TNS1: variants seen among roughly 807,000 people sequenced by gnomAD.
The protein encoded by TNS1 is tensin-1.
In TNS1, 62 loss-of-function variants were observed where a neutral mutation model predicts 168.6. That is an observed-to-expected ratio of 0.37 (90% CI 0.30 to 0.45). The LOEUF (loss-of-function observed/expected upper bound fraction) is 0.45, where lower values mean the gene tolerates loss of function less well. Among genes scored for constraint, TNS1 ranks in the 20% least tolerant of loss-of-function variants. The pLI, the probability that TNS1 is intolerant of heterozygous loss-of-function variation, is 1.00. For synonymous variants in TNS1, 934 were observed against 933.2 expected (o/e 1.00, Z -0.02); for missense variants, 2,240 against 2,339.4 (o/e 0.96, Z 0.88).
intron 4 of TNS1, among the ~76,000 whole-genome samples, chr2:217,912,869 C>T (rs538847216): frequency 1.3e-5 from 2 of 152,292 alleles, no homozygotes; most frequent in African/African-American, 4.8e-5. Context: ...CTCCGTGCCC[C>T]GTGCCTCCCA....
intron 2 of TNS1, among the ~76,000 whole-genome samples, chr2:217,980,560 A>C (rs1370179251): frequency 6.6e-6 from 1 of 150,942 alleles, no homozygotes; most frequent in Non-Finnish European, 1.5e-5. Context: ...CCTGGTACAC[A>C]GGAGAGGCTT....
intron 22 of TNS1, among the ~76,000 whole-genome samples, chr2:217,824,643 C>T (rs1943355379): frequency 6.6e-6 from 1 of 152,124 alleles, no homozygotes; most frequent in Non-Finnish European, 1.5e-5. Context: ...TAGTCTTGGG[C>T]AACTGGTAAC....
intron 21 of TNS1, among the ~76,000 whole-genome samples, chr2:217,833,334 T>C (rs548480586): frequency 1.3e-5 from 2 of 152,236 alleles, no homozygotes; most frequent in African/African-American, 2.4e-5. Context: ...CTGAGGCAGA[T>C]GAGTGGGCGA....
chr2:217,811,713 C>T (rs1456831550), intron 28 of TNS1, among the ~76,000 whole-genome samples: 2 of 152,166 alleles, frequency 1.3e-5, no homozygotes, highest in Non-Finnish European at 2.9e-5. Flanking sequence ...CCACCTGCCA[C>T]GCTCCAGGGC....
At chr2:217,812,342 G>T (rs999133265) in intron 28 of TNS1, 26 bp downstream of exon 28, 5 of 1,603,420 alleles carry the variant, frequency 3.1e-6, no homozygotes, top group Admixed American at 1.7e-5. Context: ...GGTGTGGGTG[G>T]TGAGCCAGGA....
intron 3 of TNS1, among the ~76,000 whole-genome samples, chr2:217,954,930 A>G (rs891356427): frequency 2.0e-5 from 3 of 152,168 alleles, no homozygotes; most frequent in Non-Finnish European, 4.4e-5. Context: ...CATGCACAGA[A>G]GGGTCCTCAG....
At chr2:217,962,733 C>T (rs1957530632) in intron 3 of TNS1, among the ~76,000 whole-genome samples, 1 of 152,106 alleles carries the variant, frequency 6.6e-6, no homozygotes, top group Admixed American at 6.6e-5. Flanking sequence ...AAATAACTAA[C>T]CAGCACTCTC....
intron 5 of TNS1, 45 bp downstream of exon 5, chr2:217,907,165 G>C: frequency 4.3e-6 from 3 of 702,432 alleles, no homozygotes; most frequent in Non-Finnish European, 7.8e-6. Context: ...TCTCACACCT[G>C]CCCAGGCTGT....
intron 28 of TNS1, among the ~76,000 whole-genome samples, chr2:217,811,647 C>T (rs1574568354): frequency 1.3e-5 from 2 of 152,190 alleles, no homozygotes; most frequent in East Asian, 3.9e-4. Flanking sequence ...TCAGGTGGGC[C>T]CTGTGTTGCT....
intron 3 of TNS1, among the ~76,000 whole-genome samples, chr2:217,950,938 C>T (rs1186832484): frequency 7.2e-5 from 11 of 152,012 alleles, no homozygotes; most frequent in Admixed American, 5.9e-4. Flanking sequence ...AAAATCTCCC[C>T]GTTGCTGCAC....
intron 1 of TNS1, among the ~76,000 whole-genome samples, chr2:217,994,550 T>C (rs1301624366): frequency 1.3e-5 from 2 of 152,186 alleles, no homozygotes; most frequent in African/African-American, 4.8e-5. Flanking sequence ...TCCAGCCCTT[T>C]TCCCAAACCC....
intron 6 of TNS1, chr2:217,905,352 A>G: frequency 2.2e-6 from 1 of 447,704 alleles, no homozygotes; most frequent in Admixed American, 2.4e-5. Flanking sequence ...CCACCTGGAG[A>G]GGCCCCATGC....
intron 18 of TNS1, among the ~76,000 whole-genome samples, chr2:217,866,577 G>A (rs574096658): frequency 2.0e-5 from 3 of 152,196 alleles, no homozygotes; most frequent in Non-Finnish European, 4.4e-5. Flanking sequence ...CAATCAAGAG[G>A]CTGATTTATT....
chr2:217,958,114 T>C (rs1433128762), intron 3 of TNS1, among the ~76,000 whole-genome samples: 1 of 152,134 alleles, frequency 6.6e-6, no homozygotes, highest in Non-Finnish European at 1.5e-5. Flanking sequence ...AATTTTATTT[T>C]AATATTTATG....
chr2:217,848,437 G>T lies in TNS1; in HGVS notation c.2080C>A (p.Pro694Thr). ...YPYESASRAG[P>T]AHAGHTAPMR... ...GGGGCCGTGTGGCCAGCATGGGCAG[G>T]CCCCGCCCGGCTGGCAGACTCGTAG... Residue 694 changes from proline (P) to threonine (T), a missense_variant, in exon 19 of 33, where the codon CCT (proline) becomes ACT (threonine). Transcript: ENST00000682258. The T allele has an allele frequency of 1.2e-6, 2 of 1,610,718 alleles. No homozygotes were observed. The highest frequency in any genetic ancestry group is 1.7e-6 in the Non-Finnish European group (2 of 1,177,930).
chr2:217,920,184 C>T lies in TNS1; in HGVS notation c.228+11G>A. ...GCAGGGCTTGCAGGGCAAGGAAGGG[C>T]TGTCACTCACCACCAGCTCATGGTT... On this transcript the variant is annotated intron_variant, in intron 4 of 32. Coordinates refer to ENST00000682258, the MANE Select transcript of TNS1 (RefSeq NM_001387777.1). 1 of 703,028 alleles carries T rather than the reference C, an allele frequency of 1.4e-6. No individual in the cohort carries two copies. Among genetic ancestry groups the T allele is most frequent in the Non-Finnish European group, 2.6e-6 (1 of 384,996 alleles). 43.5% of individuals were successfully genotyped at this position (703,028 alleles called of 1,614,324 possible). A position where few individuals can be genotyped will look rare whatever the true frequency, so the allele number is the denominator to read the frequency against.
Position 218,033,957 on chromosome 2 carries a change from G to T in TNS1, c.19C>A (p.Leu7Met), listed in dbSNP as rs2106020724. 6.6e-6 allele frequency among the ~76,000 whole-genome samples: 1 copy of T among 152,340 alleles called. No homozygotes were observed. Among genetic ancestry groups the T allele is most frequent in the African/African-American group, 2.4e-5 (1 of 41,578 alleles). The change falls in exon 1 of 2, where the codon CTG becomes ATG. Residue 7 changes from leucine (L) to methionine (M), a missense_variant. By Grantham distance (15) the Leu-to-Met change is conservative. Coordinates refer to the TNS1 transcript ENST00000649572. This position sits in a 1 kb window ranked among gnomAD's most constrained non-coding sequence, Gnocchi z 4.3. ...GGCCGCAGCTCTTCGCAGCACACCA[G>T]GCTCACAGTGCAGCCCATCCGGCCT...
intron 19 of TNS1, among the ~76,000 whole-genome samples, chr2:217,836,687 A>C (rs886539755): frequency 5.3e-5 from 8 of 152,170 alleles, no homozygotes; most frequent in African/African-American, 1.9e-4. Context: ...AGAAACAAAG[A>C]CATGACTAAG....
intron 18 of TNS1, among the ~76,000 whole-genome samples, chr2:217,851,471 A>ACC (rs1947483428): frequency 6.7e-6 from 1 of 149,564 alleles, no homozygotes; most frequent in African/African-American, 2.5e-5. Context: ...ACACACACAC[A>ACC]CACCCCAGGG....
Sources: gnomAD v4.1 joint callset for allele counts (sites outside exome capture counted in the v4.1 genomes callset) on GRCh38, gnomAD v4.1.1 for gene constraint, Gnocchi (gnomAD v3.1) non-coding constraint, MANE v1.5 for transcripts, NCBI Gene and HGNC (gene_info 2026-07-23, HGNC 2026-07-21) for gene names.